Variants in KRCC1 observed in about 807,000 individuals in gnomAD.
The protein encoded by KRCC1 is lysine rich coiled-coil 1.
A neutral mutation model predicts 7.4 loss-of-function variants in KRCC1; 3 were observed. The ratio of observed to expected loss-of-function variants is 0.40; its 90% confidence interval spans 0.18 to 1.04. The LOEUF is 1.04. KRCC1 is among the 50% of genes least tolerant of loss of function. The pLI is 0.33. For synonymous variants in KRCC1, 102 were observed against 101.6 expected (o/e 1.00, Z -0.02); for missense variants, 277 against 300.9 (o/e 0.92, Z 0.59).
intron 3 of KRCC1, among the ~76,000 whole-genome samples, chr2:88,033,011 T>C (rs1482088997): frequency 6.6e-6 from 1 of 152,080 alleles, no homozygotes; most frequent in Non-Finnish European, 1.5e-5. Context: ...TATAAAACTC[T>C]AGAAAATGGA....
At chr2:88,029,086 C>T (rs539779415) in intron 3 of KRCC1, among the ~76,000 whole-genome samples, 2 of 152,262 alleles carry the variant, frequency 1.3e-5, no homozygotes, top group South Asian at 2.1e-4. Context: ...TCCCAGGTCA[C>T]GTACCAGTAA....
At chr2:88,054,235 G>A (rs1558838973) in intron 1 of KRCC1, among the ~76,000 whole-genome samples, 1 of 152,194 alleles carries the variant, frequency 6.6e-6, no homozygotes, top group Non-Finnish European at 1.5e-5. Flanking sequence ...ATGGCCTCTA[G>A]AAGCCTAAGC....
In KRCC1 at chr2:88,029,859, T is replaced by A. The variant is rs1433494020; in HGVS notation, c.-22-1274A>T. Reference sequence around the variant, plus strand: ...AAAAAAATATATATATATATATTTTTTTTTTTGAGATGGAGTCTTGCCCTA... The same window carrying A: ...AAAAAAATATATATATATATATTTTATTTTTTGAGATGGAGTCTTGCCCTA... On this transcript the variant is annotated intron_variant, in intron 3 of 3. Coordinates refer to ENST00000347055, the MANE Select transcript of KRCC1 (RefSeq NM_016618.3). Among the ~76,000 whole-genome samples the A allele has an allele frequency of 2.7e-4, 40 of 147,240 alleles. 1 individual carries two copies. Among genetic ancestry groups the A allele is most frequent in the African/African-American group, 9.1e-4 (37 of 40,574 alleles).
chr2:88,029,839 A>AAT (rs1553450911), intron 3 of KRCC1, among the ~76,000 whole-genome samples: 11 of 77,942 alleles, frequency 1.4e-4, no homozygotes, highest in East Asian at 2.5e-4. Flanking sequence ...TATATAAAAA[A>AAT]ATATATATAT....
chr2:88,041,543 C>T (rs1162861095), intron 1 of KRCC1, among the ~76,000 whole-genome samples: 2 of 152,078 alleles, frequency 1.3e-5, no homozygotes, highest in African/African-American at 2.4e-5. Flanking sequence ...GTTTTATGTA[C>T]CTTGAAATTC....
chr2:88,042,760 T>C (rs1673241577), intron 1 of KRCC1, among the ~76,000 whole-genome samples: 1 of 152,146 alleles, frequency 6.6e-6, no homozygotes. Flanking sequence ...TCTTGGTATT[T>C]GCTATGGCTC....
chr2:88,052,861 T>G (rs1460826836), intron 1 of KRCC1, among the ~76,000 whole-genome samples: 3 of 152,254 alleles, frequency 2.0e-5, no homozygotes, highest in African/African-American at 7.2e-5. Flanking sequence ...CATGTTTTTG[T>G]TTCTTAAATA....
At chr2:88,028,644 C>G (rs200156459) in intron 3 of KRCC1, 59 bp from the exon 4 acceptor site, 1 of 412,528 alleles carries the variant, frequency 2.4e-6, no homozygotes, top group Non-Finnish European at 4.1e-6. Context: ...TTCCTTTGCT[C>G]TTTTTTTTTT....
At chr2:88,030,292 A>G (rs1672970002) in intron 3 of KRCC1, among the ~76,000 whole-genome samples, 1 of 149,470 alleles carries the variant, frequency 6.7e-6, no homozygotes, top group African/African-American at 2.5e-5. Flanking sequence ...CATGGGATAT[A>G]CTCCCTCCTA....
intron 1 of KRCC1, among the ~76,000 whole-genome samples, chr2:88,050,976 T>C (rs1673468967): frequency 6.6e-6 from 1 of 150,442 alleles, no homozygotes; most frequent in Admixed American, 6.7e-5. Context: ...CAGGCTGAAG[T>C]GTAGTGGTGT....
At chr2:88,047,788 C>CA (rs1191960852) in intron 1 of KRCC1, among the ~76,000 whole-genome samples, 5 of 151,866 alleles carry the variant, frequency 3.3e-5, no homozygotes, top group Non-Finnish European at 7.4e-5. Flanking sequence ...CTCGGCCTCT[C>CA]AAAGTGCTGG....
At chr2:88,028,681 G>A (rs765315923) in intron 3 of KRCC1, 96 bp from the exon 4 acceptor site, 161 of 678,474 alleles carry the variant, frequency 2.4e-4, no homozygotes, top group African/African-American at 8.5e-4. Flanking sequence ...ATGGCGTCTC[G>A]CCCTGTCGCC....
chr2:88,031,026 T>C (rs1573073838), intron 3 of KRCC1, among the ~76,000 whole-genome samples: 1 of 152,300 alleles, frequency 6.6e-6, no homozygotes, highest in Non-Finnish European at 1.5e-5. Flanking sequence ...TACATAAGAT[T>C]TGATAACTGG....
intron 2 of KRCC1, among the ~76,000 whole-genome samples, chr2:88,034,729 T>C (rs1054462475): frequency 8.5e-5 from 13 of 152,158 alleles, no homozygotes; most frequent in African/African-American, 2.7e-4. Context: ...TCTTGTGCAA[T>C]AGAACACCAG....
At chr2:88,029,833 T>TAAAAA (rs11431505) in intron 3 of KRCC1, among the ~76,000 whole-genome samples, 20 of 133,298 alleles carry the variant, frequency 1.5e-4, no homozygotes, top group African/African-American at 5.4e-4. Flanking sequence ...TATATATATA[T>TAAAAA]AAAAAAATAT....
chr2:88,053,374 C>A (rs1451482302), intron 1 of KRCC1, among the ~76,000 whole-genome samples: 1 of 146,930 alleles, frequency 6.8e-6, no homozygotes, highest in African/African-American at 2.5e-5. Flanking sequence ...TATTTAAAGT[C>A]ATTGCAAAAT....
chr2:88,042,161 C>T (rs550812571), intron 1 of KRCC1, among the ~76,000 whole-genome samples: 2 of 151,272 alleles, frequency 1.3e-5, no homozygotes, highest in African/African-American at 4.9e-5. Context: ...CCCAGGTTCA[C>T]GCCATTCTCC....
intron 1 of KRCC1, among the ~76,000 whole-genome samples, chr2:88,037,282 C>T (rs1193041104): frequency 6.6e-6 from 1 of 152,020 alleles, no homozygotes; most frequent in Non-Finnish European, 1.5e-5. Context: ...AAAACACCAT[C>T]CTGAAGGAAA....
chr2:88,045,454 A>G (rs925582112), intron 1 of KRCC1, among the ~76,000 whole-genome samples: 3 of 152,226 alleles, frequency 2.0e-5, no homozygotes, highest in African/African-American at 7.2e-5. Context: ...ACGCTGAGCG[A>G]AAGACAGACA....
Sources: gnomAD v4.1 joint callset for allele counts (sites outside exome capture counted in the v4.1 genomes callset) on GRCh38, gnomAD v4.1.1 for gene constraint, MANE v1.5 for transcripts, NCBI Gene and HGNC (gene_info 2026-07-23, HGNC 2026-07-21) for gene names.